The following NF2 variants were observed in gnomAD, a reference collection of about 807,000 sequenced individuals.
The protein encoded by NF2 is merlin.
Under a neutral mutation model 83.7 loss-of-function variants are expected in NF2, and 8 were observed. The observed-to-expected ratio is 0.10, with a 90% CI of 0.06 to 0.17. NF2 has a LOEUF of 0.17. Ranked by LOEUF, NF2 falls within the 10% of genes least tolerant of loss-of-function variation. The pLI is 1.00. For synonymous variants in NF2, 266 were observed against 269.6 expected (o/e 0.99, Z 0.13); for missense variants, 533 against 744.4 (o/e 0.72, Z 3.31).
intron 1 of NF2, among the ~76,000 whole-genome samples, chr22:29,618,308 A>AT (rs1451471317): frequency 6.6e-6 from 1 of 152,174 alleles, no homozygotes; most frequent in East Asian, 1.9e-4. Flanking sequence ...TTGAAAAAAA[A>AT]GGAGAGAGAG....
intron 3 of NF2, among the ~76,000 whole-genome samples, chr22:29,639,745 G>T (rs947800920): frequency 6.6e-6 from 1 of 151,540 alleles, no homozygotes; most frequent in Non-Finnish European, 1.5e-5. Context: ...AGCCGGGTGT[G>T]GTGGCAGGTG....
intron 1 of NF2, among the ~76,000 whole-genome samples, chr22:29,618,321 T>C (rs2065127968): frequency 6.6e-6 from 1 of 151,718 alleles, no homozygotes; most frequent in Non-Finnish European, 1.5e-5. Flanking sequence ...AGAGAGAGAG[T>C]ACTTGTAGAA....
chr22:29,604,146 C>T (rs1193327150), intron 1 of NF2, 34 bp downstream of exon 1: 5 of 1,523,588 alleles, frequency 3.3e-6, no homozygotes, highest in Non-Finnish European at 4.5e-6. Flanking sequence ...GCTGCGGTGA[C>T]AGTCGAGGTG....
chr22:29,640,247 G>T (rs939872966), intron 3 of NF2, among the ~76,000 whole-genome samples: 1 of 149,174 alleles, frequency 6.7e-6, no homozygotes, highest in Non-Finnish European at 1.5e-5. Context: ...AGTGACACTT[G>T]GTTTGTCCCC....
At chr22:29,670,176 T>C (rs1436764590) in intron 10 of NF2, among the ~76,000 whole-genome samples, 1 of 152,070 alleles carries the variant, frequency 6.6e-6, no homozygotes, top group Non-Finnish European at 1.5e-5. Context: ...TTTTAATTGT[T>C]TCGTAGAGAT....
At chr22:29,667,022 G>C (rs2066644018) in intron 9 of NF2, among the ~76,000 whole-genome samples, 1 of 152,050 alleles carries the variant, frequency 6.6e-6, no homozygotes, top group Non-Finnish European at 1.5e-5. Flanking sequence ...ATAGAGCTTA[G>C]AGTATATACA....
At chr22:29,673,012 G>A (rs2066849248) in intron 11 of NF2, among the ~76,000 whole-genome samples, 1 of 152,358 alleles carries the variant, frequency 6.6e-6, no homozygotes, top group South Asian at 2.1e-4. Flanking sequence ...TTTTCTCCAC[G>A]TGAAGCATAA....
chr22:29,670,256 C>T (rs529254121), intron 10 of NF2, among the ~76,000 whole-genome samples: 12 of 152,162 alleles, frequency 7.9e-5, no homozygotes, highest in African/African-American at 2.2e-4. Flanking sequence ...CTTCAGCCCC[C>T]CAAAGTGCTA....
At chr22:29,658,610 ACACCCCACCCCCATCCCCACCCCCACCCC>A (rs2066384684) in intron 7 of NF2, among the ~76,000 whole-genome samples, 1 of 139,720 alleles carries the variant, frequency 7.2e-6, no homozygotes, top group South Asian at 2.4e-4. Context: ...CCCCCAACAC[ACACCCCACCCCCATCCCCACCCCCACCCC>A]CACCCCAGGC....
At position 29,617,540 on chromosome 22, in the gene NF2, G is replaced by C. The variant is rs34076563; in HGVS notation, c.114+13428G>C. 2.7e-3 allele frequency among the ~76,000 whole-genome samples: 408 copies of C among 152,192 alleles called. 1 individual carries two copies. The highest frequency in any genetic ancestry group is 4.1e-3 in the Non-Finnish European group (279 of 68,006). On this transcript the variant is annotated intron_variant, in intron 1 of 15. Transcript: ENST00000338641. ...GACATTGTCAAGTGTCCCTGGGGTA[G>C]GGAGGACACCCTCCAATCTCCTCTT...
At chr22:29,658,068 G>T in intron 6 of NF2, 121 bp from the exon 7 acceptor site, 3 of 845,502 alleles carry the variant, frequency 3.5e-6, no homozygotes. Context: ...TGTGGCTTTT[G>T]TCTTCTGGCA....
chr22:29,640,934 G>C (rs1454044392), intron 3 of NF2, among the ~76,000 whole-genome samples: 1 of 152,110 alleles, frequency 6.6e-6, no homozygotes, highest in African/African-American at 2.4e-5. Flanking sequence ...AGGAGTTTGA[G>C]ACCACCCTGA....
rs2146894730 is a variant in NF2, at chr22:29,642,272, C to G, written c.434C>G (p.Ala145Gly). 1 of 1,614,038 alleles carries G rather than the reference C, an allele frequency of 6.2e-7. No homozygotes were observed. The highest frequency in any genetic ancestry group is 2.2e-5 in the East Asian group (1 of 44,888). Residue 145 changes from alanine to glycine, a missense_variant, in exon 4 of 16, where the codon GCC becomes GGC. Ala to Gly is a moderately conservative substitution (Grantham distance 60, BLOSUM62 0). Coordinates refer to ENST00000338641, the MANE Select transcript of NF2 (RefSeq NM_000268.4). ...GCTTCTGTGCTCCTGGCTTCTTACG[C>G]CGTCCAGGCCAAGGTAGGCTCAAAG... ...PEASVLLASY[A>G]VQAKYGDYDP...
In NF2 at chr22:29,604,059, A is replaced by T; in HGVS notation, c.61A>T (p.Thr21Ser). ...FSSLKRKQPK[T>S]FTVRIVTMDA... is the part of the protein sequence containing the mutation. ...CTCTCTCAAGAGGAAGCAACCCAAG[A>T]CGTTCACCGTGAGGATCGTCACCAT... The change falls in exon 1 of 16, where the codon ACG becomes TCG. Residue 21 changes from threonine to serine, a missense_variant. Physicochemically the swap from Thr to Ser is moderately conservative, Grantham distance 58 (BLOSUM62 1). Transcript: ENST00000338641. 1 of 1,607,828 alleles carries T rather than the reference A, an allele frequency of 6.2e-7. No individual in the cohort carries two copies. The highest frequency in any genetic ancestry group is 2.2e-5 in the East Asian group (1 of 44,734).
intron 15 of NF2, among the ~76,000 whole-genome samples, chr22:29,692,592 G>A (rs539519630): frequency 3.3e-5 from 5 of 152,332 alleles, no homozygotes; most frequent in East Asian, 1.9e-4. Flanking sequence ...CCACAGCCTG[G>A]GCTCCCTGCC....
At chr22:29,654,636 C>T in intron 4 of NF2, 21 bp from the exon 5 acceptor site, 1 of 1,610,558 alleles carries the variant, frequency 6.2e-7, no homozygotes, top group Non-Finnish European at 8.5e-7. Context: ...CAATCGCCTG[C>T]TCTCCCTTTC....
intron 6 of NF2, 119 bp from the exon 7 acceptor site, chr22:29,658,070 C>G: frequency 1.1e-6 from 1 of 871,074 alleles, no homozygotes. Context: ...TGGCTTTTGT[C>G]TTCTGGCAGC....
rs572081827 is a variant in NF2 at position 29,673,070 on chromosome 22, A to G, written c.1123-199A>G. On this transcript the variant is annotated intron_variant, in intron 11 of 15. Coordinates refer to ENST00000338641, the MANE Select transcript of NF2 (RefSeq NM_000268.4). Reference sequence around the variant, plus strand: ...AGAGAAGGTGCTCTTGTTACTCCCCATGGGTGCAGCCCGAAGGGCCCTTCT... The same window carrying G: ...AGAGAAGGTGCTCTTGTTACTCCCCGTGGGTGCAGCCCGAAGGGCCCTTCT... Among the ~76,000 whole-genome samples, 41 of 152,276 alleles carry G rather than the reference A, an allele frequency of 2.7e-4. 2 individuals carry two copies. In the South Asian group the frequency reaches 7.7e-3, roughly 28 times the overall value.
In NF2 at chr22:29,654,707, G is replaced by C. The variant is rs2146967227; in HGVS notation, c.498G>C (p.Glu166Asp). 2 of 1,613,850 alleles carry C rather than the reference G, an allele frequency of 1.2e-6. No individual in the cohort carries two copies. Among genetic ancestry groups the C allele is most frequent in the South Asian group, 2.2e-5 (2 of 91,072 alleles). Reference sequence around the variant, plus strand: ...ACAAGCGGGGATTTTTGGCCCAAGAGGAATTGCTTCCAAAAAGGGTAAGAG... The same window carrying C: ...ACAAGCGGGGATTTTTGGCCCAAGACGAATTGCTTCCAAAAAGGGTAAGAG... The part of the protein sequence containing the change: ...SVHKRGFLAQ[E>D]ELLPKRVINL... Residue 166 changes from glutamate (E) to aspartate (D), a missense_variant, in exon 5 of 16, where the codon GAG becomes GAC. By Grantham distance (45) the Glu-to-Asp change is conservative. Transcript: ENST00000338641.
Sources: gnomAD v4.1 joint callset for allele counts (sites outside exome capture counted in the v4.1 genomes callset) on GRCh38, gnomAD v4.1.1 for gene constraint, MANE v1.5 for transcripts, NCBI Gene and HGNC (gene_info 2026-07-23, HGNC 2026-07-21) for gene names.